Variants in ADGRA3 observed in about 807,000 individuals in gnomAD.
ADGRA3 encodes G-protein coupled receptor 125.
Under a neutral mutation model 119.8 loss-of-function variants are expected in ADGRA3, and 56 were observed. That is an observed-to-expected ratio of 0.47 (90% CI 0.38 to 0.58). ADGRA3 has a LOEUF of 0.58. ADGRA3 is among the 20% of genes least tolerant of loss of function. The pLI, the probability that ADGRA3 is intolerant of heterozygous loss-of-function variation, is 0.00. For missense variants in ADGRA3, 1,516 were observed against 1,649.0 expected, an observed-to-expected ratio of 0.92 and a Z score of 1.40; for synonymous variants, 607 against 623.8, an observed-to-expected ratio of 0.97 and a Z score of 0.40.
intron 1 of ADGRA3, among the ~76,000 whole-genome samples, chr4:22,480,971 T>C (rs904413705): frequency 6.6e-6 from 1 of 152,076 alleles, no homozygotes; most frequent in African/African-American, 2.4e-5. Context: ...GCCCAGGAGT[T>C]TGAGTTTATA....
At chr4:22,403,720 C>T (rs935883928) in intron 14 of ADGRA3, among the ~76,000 whole-genome samples, 1 of 151,864 alleles carries the variant, frequency 6.6e-6, no homozygotes, top group Non-Finnish European at 1.5e-5. Flanking sequence ...CCAGCCTGGG[C>T]CACATAGTGA....
chr4:22,448,308 G>T (rs942925281), intron 4 of ADGRA3, among the ~76,000 whole-genome samples: 1 of 152,188 alleles, frequency 6.6e-6, no homozygotes, highest in African/African-American at 2.4e-5. Context: ...CCATTGCTCA[G>T]GATGTACACC....
intron 3 of ADGRA3, among the ~76,000 whole-genome samples, chr4:22,457,971 G>C (rs908085041): frequency 1.3e-5 from 2 of 152,096 alleles, no homozygotes; most frequent in Non-Finnish European, 1.5e-5. Context: ...TAAAAGCTGT[G>C]ACTACAACAG....
At chr4:22,461,715 A>G in intron 3 of ADGRA3, 22 bp downstream of exon 3, 1 of 1,530,910 alleles carries the variant, frequency 6.5e-7, no homozygotes. Flanking sequence ...CAAACTCGTA[A>G]GCAAGCAATT....
intron 3 of ADGRA3, among the ~76,000 whole-genome samples, chr4:22,460,250 G>A (rs927636654): frequency 2.6e-5 from 4 of 152,150 alleles, no homozygotes; most frequent in Non-Finnish European, 5.9e-5. Context: ...TTTCACTAAC[G>A]ACTGAAGGGT....
chr4:22,410,918 T>TA (rs1445442870), intron 14 of ADGRA3, among the ~76,000 whole-genome samples: 1 of 152,186 alleles, frequency 6.6e-6, no homozygotes, highest in Admixed American at 6.5e-5. Context: ...ATTTTAACTT[T>TA]AAAGAATTGT....
At chr4:22,515,278 G>A in intron 1 of ADGRA3, 1 of 329,174 alleles carries the variant, frequency 3.0e-6, no homozygotes, top group Non-Finnish European at 5.5e-6. Context: ...GGACAGCGCG[G>A]GGAGCGCCTG....
chr4:22,442,628 C>CA (rs374500461), intron 7 of ADGRA3, 22 bp downstream of exon 7: 91,658 of 1,316,460 alleles, frequency 0.07, 71 homozygotes, highest in African/African-American at 0.083. Context: ...ATTCTTCATT[C>CA]AAAAAAAAAA....
intron 4 of ADGRA3, among the ~76,000 whole-genome samples, chr4:22,454,664 G>C (rs910774327): frequency 6.6e-6 from 1 of 152,094 alleles, no homozygotes; most frequent in Non-Finnish European, 1.5e-5. Flanking sequence ...ACATGCACAT[G>C]TGTCCGTGTG....
chr4:22,432,793 C>A (rs1449821706), intron 10 of ADGRA3, among the ~76,000 whole-genome samples: 1 of 152,164 alleles, frequency 6.6e-6, no homozygotes, highest in African/African-American at 2.4e-5. Context: ...TATCCTGAGA[C>A]AACAAAGTGC....
At chr4:22,471,616 G>T (rs1435794881) in intron 2 of ADGRA3, among the ~76,000 whole-genome samples, 2 of 152,122 alleles carry the variant, frequency 1.3e-5, no homozygotes, top group Non-Finnish European at 2.9e-5. Flanking sequence ...ACCTTGATGT[G>T]TGTGTACTTT....
chr4:22,436,113 C>G (rs1338838232), intron 9 of ADGRA3, among the ~76,000 whole-genome samples: 1 of 151,994 alleles, frequency 6.6e-6, no homozygotes, highest in East Asian at 1.9e-4. Flanking sequence ...TCGCTTTCAA[C>G]AAAGTGATTA....
Position 22,388,384 on chromosome 4 carries a change from G to T in ADGRA3, c.3287C>A (p.Ser1096Tyr), listed in dbSNP as rs1713940449. The stretch of plus-strand genomic sequence containing the variant: ...TGAAGCACTTTTGTTTGTGCATGAA[G>T]ACTCCGCACTGCTATTGGGGCATTT... ...APKCPNSSAE[S>Y]SCTNKSASSF... Residue 1096 changes from serine (S) to tyrosine (Y), a missense_variant, in exon 19 of 19, where the codon TCT becomes TAT. By Grantham distance (144) the Ser-to-Tyr change is moderately radical. This residue lies in a region of ADGRA3 where 1,088 missense variants were observed against 1,107.1 expected (regional missense o/e 0.98). Transcript: ENST00000334304. 1.9e-6 allele frequency: 3 copies of T among 1,613,894 alleles called. No individual in the cohort carries two copies. The East Asian group carries it at 6.7e-5, about 36-fold the overall frequency.
At chr4:22,504,736 T>C (rs530102766) in intron 1 of ADGRA3, among the ~76,000 whole-genome samples, 1 of 151,916 alleles carries the variant, frequency 6.6e-6, no homozygotes, top group Non-Finnish European at 1.5e-5. Context: ...CTCTTTCTTC[T>C]ACCTTCTTTT....
intron 3 of ADGRA3, among the ~76,000 whole-genome samples, chr4:22,456,174 T>G (rs1047304389): frequency 6.6e-6 from 1 of 152,318 alleles, no homozygotes; most frequent in Middle Eastern, 3.4e-3. Flanking sequence ...ATCAGGTACC[T>G]AACTCGTTTG....
At position 22,463,520 on chromosome 4, in the gene ADGRA3, C is replaced by T. The variant is rs185508095; in HGVS notation, c.330-1712G>A. On this transcript the variant is annotated intron_variant, in intron 2 of 18. Transcript: ENST00000334304. The stretch of plus-strand genomic sequence containing the variant: ...CCATCCTCTCCAAATCAGAAAGCAG[C>T]GGGCATCCCTTCTCTACCTATGCTC... 6.6e-5 allele frequency among the ~76,000 whole-genome samples: 10 copies of T among 152,268 alleles called. No homozygotes were observed. The East Asian group carries it at 7.7e-4, about 12-fold the overall frequency.
intron 14 of ADGRA3, among the ~76,000 whole-genome samples, 199 bp from the exon 15 acceptor site, chr4:22,402,998 C>T (rs376368569): frequency 3.9e-5 from 6 of 152,236 alleles, no homozygotes; most frequent in South Asian, 4.1e-4. Context: ...TAACTGCTTA[C>T]GGCATACCCT....
intron 13 of ADGRA3, 68 bp downstream of exon 13, chr4:22,413,533 T>G: frequency 6.8e-7 from 1 of 1,478,276 alleles, no homozygotes. Flanking sequence ...AATAAGCATT[T>G]TTAGGAACAG....
At position 22,444,880 on chromosome 4, in the gene ADGRA3, C is replaced by T. The variant is rs186743546; in HGVS notation, c.706+93G>A. On this transcript the variant is annotated intron_variant, in intron 6 of 18. Coordinates refer to ENST00000334304, the MANE Select transcript of ADGRA3 (RefSeq NM_145290.4). ...TTACTGGCTGCATACTAGTTCTGTC[C>T]AAGTATAAAGAGAATCTTACAATTT... The T allele has an allele frequency of 7.0e-6, 9 of 1,284,862 alleles. No homozygotes were observed. In the Admixed American group the frequency reaches 8.9e-5, roughly 13 times the overall value. The allele number at this position is 1,284,862 out of a possible 1,614,324, so 79.6% of individuals were successfully genotyped here.
Sources: allele counts gnomAD v4.1 joint callset (sites outside exome capture counted in the v4.1 genomes callset), GRCh38; gene constraint gnomAD v4.1.1; regional missense constraint gnomAD v4.1.1; transcripts MANE v1.5; gene names NCBI Gene and HGNC (gene_info 2026-07-23, HGNC 2026-07-21).